NRG3: variants seen among roughly 807,000 people sequenced by gnomAD.
NRG3 encodes the protein pro-neuregulin-3, membrane-bound isoform.
A neutral mutation model predicts 66.9 loss-of-function variants in NRG3; 31 were observed. That is an observed-to-expected ratio of 0.46 (90% CI 0.35 to 0.63). NRG3 has a LOEUF of 0.63. NRG3 is among the 20% of genes least tolerant of loss of function. NRG3 has a pLI of 0.00. For synonymous variants in NRG3, 393 were observed against 359.4 expected (o/e 1.09, Z -1.06); for missense variants, 910 against 878.9 (o/e 1.04, Z -0.45).
chr10:82,157,570 C>T (rs536952085), intron 1 of NRG3, among the ~76,000 whole-genome samples: 4 of 151,594 alleles, frequency 2.6e-5, no homozygotes, highest in East Asian at 1.9e-4. Flanking sequence ...TAAAATATTG[C>T]AGGATCAATT....
rs909726912 is a variant in NRG3, at chr10:82,630,752, C to A, written c.954-107825C>A. ...ATTTTCATATGAATCTAGACTATTT[C>A]TCTTGGTTATTATAAACCCTTCAAA... On this transcript the variant is annotated intron_variant, in intron 2 of 8. Transcript: ENST00000372141. 2.0e-5 allele frequency among the ~76,000 whole-genome samples: 3 copies of A among 151,890 alleles called. No individual in the cohort carries two copies. In the South Asian group the frequency reaches 6.2e-4, roughly 31 times the overall value.
At chr10:82,140,432 G>A (rs1305735444) in intron 1 of NRG3, among the ~76,000 whole-genome samples, 2 of 152,104 alleles carry the variant, frequency 1.3e-5, no homozygotes. Context: ...ACTATCAATT[G>A]GCTGATATTT....
intron 1 of NRG3, among the ~76,000 whole-genome samples, chr10:82,306,689 G>C (rs2080749141): frequency 9.4e-6 from 1 of 105,900 alleles, no homozygotes; most frequent in South Asian, 3.6e-4. Context: ...GGGCGACAGA[G>C]TGAGACTCCG....
chr10:82,140,173 A>T (rs1590261648), intron 1 of NRG3, among the ~76,000 whole-genome samples: 1 of 152,138 alleles, frequency 6.6e-6, no homozygotes, highest in Non-Finnish European at 1.5e-5. Flanking sequence ...TATTTTTTCT[A>T]TGAAAATTCA....
chr10:81,957,804 A>ACG (rs1849985132), intron 1 of NRG3, among the ~76,000 whole-genome samples: 1 of 152,252 alleles, frequency 6.6e-6, no homozygotes, highest in Non-Finnish European at 1.5e-5. Context: ...TTGGGATAAT[A>ACG]TCTATTTTAT....
chr10:81,937,275 T>C (rs569509430), intron 1 of NRG3, among the ~76,000 whole-genome samples: 4 of 152,254 alleles, frequency 2.6e-5, no homozygotes, highest in East Asian at 1.9e-4. Context: ...TGTTTTCAGT[T>C]CTTTTGAATA....
At chr10:82,831,967 C>T (rs1441057899) in intron 3 of NRG3, among the ~76,000 whole-genome samples, 1 of 152,068 alleles carries the variant, frequency 6.6e-6, no homozygotes, top group Non-Finnish European at 1.5e-5. Context: ...TAGGAGCAGA[C>T]CTCTTTCACA....
intron 3 of NRG3, among the ~76,000 whole-genome samples, chr10:82,816,320 T>C (rs79383699): frequency 0.033 from 5,044 of 152,298 alleles, 206 homozygotes; most frequent in African/African-American, 0.1. Flanking sequence ...AGGAGCTTCA[T>C]TGAGCAACAG....
intron 4 of NRG3, among the ~76,000 whole-genome samples, chr10:82,901,478 G>T (rs991770795): frequency 1.3e-5 from 2 of 152,090 alleles, no homozygotes; most frequent in Non-Finnish European, 2.9e-5. Flanking sequence ...AAAGGTCCTG[G>T]AATCTTTCCT....
intron 1 of NRG3, among the ~76,000 whole-genome samples, chr10:82,069,864 C>T (rs1402167282): frequency 5.3e-5 from 8 of 152,150 alleles, no homozygotes. Context: ...GAAACAGAAA[C>T]TTCACCTGCC....
At chr10:82,045,460 G>A (rs1175675683) in intron 1 of NRG3, among the ~76,000 whole-genome samples, 3 of 74,770 alleles carry the variant, frequency 4.0e-5, no homozygotes, top group South Asian at 1.9e-3. Flanking sequence ...GTAGATTCTG[G>A]ATATTAGCCC....
chr10:82,036,295 A>T (rs1163526591), intron 1 of NRG3, among the ~76,000 whole-genome samples: 1 of 152,154 alleles, frequency 6.6e-6, no homozygotes, highest in Non-Finnish European at 1.5e-5. Context: ...AACAACCTGC[A>T]GTGATGAAGG....
intron 2 of NRG3, among the ~76,000 whole-genome samples, chr10:82,434,493 G>A (rs1393680339): frequency 6.6e-6 from 1 of 152,110 alleles, no homozygotes; most frequent in Non-Finnish European, 1.5e-5. Flanking sequence ...ATGTTGAATA[G>A]GAGTGGTGAG....
chr10:82,512,651 C>T lies in NRG3; in HGVS notation c.953+153783C>T, dbSNP rs531495768. Among the ~76,000 whole-genome samples, 3 of 152,280 alleles carry T rather than the reference C, an allele frequency of 2.0e-5. No individual in the cohort carries two copies. The East Asian group carries it at 5.8e-4, about 29-fold the overall frequency. On this transcript the variant is annotated intron_variant, in intron 2 of 8. Coordinates refer to ENST00000372141, the MANE Select transcript of NRG3 (RefSeq NM_001010848.4). ...AGTACGCTCTCAGTAAGTTTCAGCA[C>T]TTTTATGTCACTCCTTCATTGCATG...
intron 1 of NRG3, chr10:82,232,568 GTTT>G (rs1252228316): frequency 1.8e-6 from 1 of 558,338 alleles, no homozygotes; most frequent in Non-Finnish European, 3.3e-6. Context: ...ACTTCTGACC[GTTT>G]TTCTGGTTAC....
At chr10:82,408,307 G>A (rs151092929) in intron 2 of NRG3, among the ~76,000 whole-genome samples, 255 of 152,190 alleles carry the variant, frequency 1.7e-3, no homozygotes, top group African/African-American at 5.9e-3. Flanking sequence ...CTGTGGTCAA[G>A]ACTGTTCAGC....
intron 4 of NRG3, among the ~76,000 whole-genome samples, chr10:82,923,309 C>T (rs1846632063): frequency 6.6e-6 from 1 of 152,226 alleles, no homozygotes; most frequent in South Asian, 2.1e-4. Context: ...CTTTCATCCT[C>T]CACCTAATCT....
intron 3 of NRG3, among the ~76,000 whole-genome samples, chr10:82,835,877 A>G (rs1287442008): frequency 6.6e-6 from 1 of 152,126 alleles, no homozygotes; most frequent in Non-Finnish European, 1.5e-5. Flanking sequence ...AGTCCTGTAC[A>G]CTCAGAGTGA....
At chr10:82,354,114 AACCTCG>A (rs1306098828) in intron 1 of NRG3, among the ~76,000 whole-genome samples, 1 of 143,112 alleles carries the variant, frequency 7.0e-6, no homozygotes. Context: ...AGCTCACTGC[AACCTCG>A]ACCTCCTGGG....
Sources: gnomAD v4.1 joint callset for allele counts (sites outside exome capture counted in the v4.1 genomes callset) on GRCh38, gnomAD v4.1.1 for gene constraint, MANE v1.5 for transcripts, NCBI Gene and HGNC (gene_info 2026-07-23, HGNC 2026-07-21) for gene names.